MYO9B: variants seen among roughly 807,000 people sequenced by gnomAD.
MYO9B encodes the protein myosin IXB, also known as unconventional myosin-IXb.
A neutral mutation model predicts 229.5 loss-of-function variants in MYO9B; 71 were observed. The observed-to-expected ratio is 0.31, with a 90% CI of 0.26 to 0.38. The LOEUF is 0.38. Ranked by LOEUF, MYO9B falls within the 10% of genes least tolerant of loss-of-function variation. The pLI is 1.00. For synonymous variants in MYO9B, 1,185 were observed against 1,235.8 expected (o/e 0.96, Z 0.86); for missense variants, 2,255 against 2,920.5 (o/e 0.77, Z 5.25).
At chr19:17,087,943 A>C (rs1290677608) in intron 1 of MYO9B, among the ~76,000 whole-genome samples, 1 of 148,656 alleles carries the variant, frequency 6.7e-6, no homozygotes, top group Non-Finnish European at 1.5e-5. Context: ...AAAAAAAAAA[A>C]ACGAAAATTA....
intron 1 of MYO9B, among the ~76,000 whole-genome samples, chr19:17,090,569 T>C (rs554469575): frequency 8.5e-5 from 13 of 152,332 alleles, no homozygotes; most frequent in African/African-American, 2.9e-4. Flanking sequence ...CGAGGATCTT[T>C]ATAGTCTGAC....
At chr19:17,160,411 T>A (rs1307681910) in intron 8 of MYO9B, among the ~76,000 whole-genome samples, 4 of 152,036 alleles carry the variant, frequency 2.6e-5, no homozygotes, top group Admixed American at 2.6e-4. Context: ...CTAGATCTTG[T>A]CTGTAGCTGA....
intron 38 of MYO9B, 129 bp downstream of exon 38, chr19:17,210,977 C>CTTTTTTTT (rs35355662): frequency 3.6e-5 from 12 of 334,440 alleles, no homozygotes; most frequent in African/African-American, 2.2e-4. Flanking sequence ...GCAAACAACA[C>CTTTTTTTT]TTTTTTTTTT....
chr19:17,107,225 C>A (rs528273924), intron 2 of MYO9B, among the ~76,000 whole-genome samples: 2 of 152,182 alleles, frequency 1.3e-5, no homozygotes, highest in Admixed American at 6.5e-5. Context: ...CAGAGCAAGA[C>A]CCTGTCTCAA....
At position 17,195,497 on chromosome 19, in the gene MYO9B, C is replaced by T; in HGVS notation, c.4046+24C>T. The stretch of plus-strand genomic sequence containing the variant: ...GAGTAAGCCCCACACCCTCTTTTGT[C>T]TGAGCACCAGGGTCCAGGCCAGGTG... On this transcript the variant is annotated intron_variant, in intron 22 of 39. Coordinates refer to ENST00000682292, the MANE Select transcript of MYO9B (RefSeq NM_004145.4). This position sits in a 1 kb window ranked among gnomAD's most constrained non-coding sequence, Gnocchi z 4.5. 6.4e-7 allele frequency: 1 copy of T among 1,567,278 alleles called. No individual in the cohort carries two copies. The highest frequency in any genetic ancestry group is 1.4e-5 in the African/African-American group (1 of 74,044).
intron 2 of MYO9B, among the ~76,000 whole-genome samples, chr19:17,142,176 A>G (rs1387511516): frequency 1.3e-5 from 2 of 151,408 alleles, no homozygotes; most frequent in Non-Finnish European, 2.9e-5. Context: ...TAAAAAAAAA[A>G]AAAGAAAGAA....
At position 17,203,200 on chromosome 19, in the gene MYO9B, G is replaced by A; in HGVS notation, c.4932G>A (p.Gln1644=). 6.3e-7 allele frequency: 1 copy of A among 1,576,850 alleles called. No individual in the cohort carries two copies. The highest frequency in any genetic ancestry group is 8.6e-7 in the Non-Finnish European group (1 of 1,161,274). Residue 1644 remains glutamine (Q), a synonymous_variant, in exon 30 of 40, where the codon CAG becomes CAA. Coordinates refer to ENST00000682292, the MANE Select transcript of MYO9B (RefSeq NM_004145.4). Reference sequence around the variant, plus strand: ...CCAGCTACCAGGTTAGCATCCCGCAGTCGTGCGAGCAGTGCCTCTCCTATA... The same window carrying A: ...CCAGCTACCAGGTTAGCATCCCGCAATCGTGCGAGCAGTGCCTCTCCTATA... ...VFASYQVSIP[Q]SCEQCLSYIW...
intron 2 of MYO9B, among the ~76,000 whole-genome samples, chr19:17,137,686 G>A (rs538336335): frequency 4.6e-5 from 7 of 152,154 alleles, no homozygotes; most frequent in South Asian, 4.1e-4. Flanking sequence ...AGCTCTGCCC[G>A]AGGCTTTGCA....
At chr19:17,185,104 G>C in intron 17 of MYO9B, 117 bp downstream of exon 17, 1 of 1,452,370 alleles carries the variant, frequency 6.9e-7, no homozygotes, top group Non-Finnish European at 9.4e-7. Context: ...GGCCGGGCGC[G>C]GTGGCTCAAG....
At chr19:17,202,358 T>C in intron 28 of MYO9B, 55 bp downstream of exon 28, 1 of 1,465,288 alleles carries the variant, frequency 6.8e-7, no homozygotes, top group Non-Finnish European at 9.0e-7. Flanking sequence ...TACCCATGCC[T>C]CGCCATCCTT....
chr19:17,116,134 A>T (rs983462554), intron 2 of MYO9B, among the ~76,000 whole-genome samples: 28 of 152,276 alleles, frequency 1.8e-4, no homozygotes, highest in African/African-American at 6.7e-4. Flanking sequence ...AGGGCTGAAC[A>T]TCAGCAGGCC....
intron 13 of MYO9B, among the ~76,000 whole-genome samples, chr19:17,173,358 G>A (rs1397473792): frequency 7.3e-6 from 1 of 137,928 alleles, no homozygotes. Flanking sequence ...AGGCTCTAGT[G>A]TAATGACGCA....
In MYO9B at chr19:17,200,758, C is replaced by T. The variant is rs1168472083; in HGVS notation, c.4492C>T (p.Arg1498Trp). 1.9e-6 allele frequency: 3 copies of T among 1,613,962 alleles called. No homozygotes were observed. Among genetic ancestry groups the T allele is most frequent in the East Asian group, 2.2e-5 (1 of 44,884 alleles). ...GAAGATCACAGTGTCAGAGAAGTGG[C>T]GGGAATCGGTGTTCCGCCAGATCAC... ...IGKITVSEKW[R>W]ESVFRQITNA... The change falls in exon 26 of 40, where the codon CGG becomes TGG. Residue 1498 changes from arginine (R) to tryptophan (W), a missense_variant. By Grantham distance (101) the Arg-to-Trp change is moderately radical. Transcript: ENST00000682292.
chr19:17,207,212 G>C lies in MYO9B; in HGVS notation c.5592G>C (p.Leu1864=), dbSNP rs2073172402. Residue 1864 remains leucine, a synonymous_variant, in exon 35 of 40, where the codon CTG becomes CTC. Coordinates refer to ENST00000682292, the MANE Select transcript of MYO9B (RefSeq NM_004145.4). The part of the protein sequence containing the change: ...LLRCPDNSDP[L]TSMKDVLKIT... ...GCTGCCCTGACAACTCGGACCCGCT[G>C]ACCAGCATGAAGGACGTCCTCAAGA... is the stretch of plus-strand genomic sequence containing the variant. 2 of 1,600,352 alleles carry C rather than the reference G, an allele frequency of 1.2e-6. No homozygotes were observed. Among genetic ancestry groups the C allele is most frequent in the Non-Finnish European group, 1.7e-6 (2 of 1,174,590 alleles).
chr19:17,083,524 A>G lies in MYO9B; in HGVS notation c.-59+7650A>G, dbSNP rs151270729. Among the ~76,000 whole-genome samples the G allele has an allele frequency of 2.9e-3, 447 of 152,236 alleles. 1 individual carries two copies. Among genetic ancestry groups the G allele is most frequent in the African/African-American group, 0.01 (424 of 41,532 alleles). Reference sequence around the variant, plus strand: ...CCAGAAATGTCTCCAGACATGGCCAAGTGTCTCCTGGAGGGCAGAGTCAGC... The same window carrying G: ...CCAGAAATGTCTCCAGACATGGCCAGGTGTCTCCTGGAGGGCAGAGTCAGC... On this transcript the variant is annotated intron_variant, in intron 1 of 39. Coordinates refer to ENST00000682292, the MANE Select transcript of MYO9B (RefSeq NM_004145.4).
intron 35 of MYO9B, among the ~76,000 whole-genome samples, chr19:17,208,813 G>A (rs950960001): frequency 6.6e-5 from 10 of 152,130 alleles, no homozygotes; most frequent in East Asian, 3.9e-4. Context: ...CCTGCAGGTC[G>A]CACCACAGAG....
rs1248366295 is a variant in MYO9B at position 17,145,560 on chromosome 19, T to C, written c.935+69T>C. 9 of 1,296,394 alleles carry C rather than the reference T, an allele frequency of 6.9e-6. No homozygotes were observed. The East Asian group carries it at 1.8e-4, about 27-fold the overall frequency. 80.3% of individuals were successfully genotyped at this position (1,296,394 alleles called of 1,614,324 possible). On this transcript the variant is annotated intron_variant, in intron 3 of 39. Transcript: ENST00000682292. ...GCACTGTTGCTTCCTGACACACACA[T>C]GGGAGTGAGATGTGGAGATCATGGC... is the stretch of plus-strand genomic sequence containing the variant.
At chr19:17,098,195 C>T (rs1399101901) in intron 1 of MYO9B, among the ~76,000 whole-genome samples, 2 of 152,124 alleles carry the variant, frequency 1.3e-5, no homozygotes, top group African/African-American at 4.8e-5. Flanking sequence ...GCTGGGATTA[C>T]AGGCACCCAC....
Position 17,101,939 on chromosome 19 carries a change from G to A in MYO9B, c.222G>A (p.Glu74=), listed in dbSNP as rs2057748825. The change falls in exon 2 of 40, where the codon GAG becomes GAA. Residue 74 remains glutamate, a synonymous_variant. Transcript: ENST00000682292. This position sits in a 1 kb window ranked among gnomAD's most constrained non-coding sequence, Gnocchi z 4.7. Reference sequence around the variant, plus strand: ...TGGAGGTCAAAGAGTCGGGAGGCGAGGAATGGGTGCTGGACGCCAACGACT... The same window carrying A: ...TGGAGGTCAAAGAGTCGGGAGGCGAAGAATGGGTGCTGGACGCCAACGACT... ...VLVEVKESGG[E]EWVLDANDSP... is the part of the protein sequence containing the mutation. The A allele has an allele frequency of 4.3e-6, 7 of 1,613,502 alleles. No individual in the cohort carries two copies. The highest frequency in any genetic ancestry group is 5.9e-6 in the Non-Finnish European group (7 of 1,179,858).
Sources: gnomAD v4.1 joint callset for allele counts (sites outside exome capture counted in the v4.1 genomes callset) on GRCh38, gnomAD v4.1.1 for gene constraint, Gnocchi (gnomAD v3.1) non-coding constraint, MANE v1.5 for transcripts, NCBI Gene and HGNC (gene_info 2026-07-23, HGNC 2026-07-21) for gene names.